ECE1: variants seen among roughly 807,000 people sequenced by gnomAD.
ECE1 encodes endothelin-converting enzyme 1.
ECE1 carries 35 observed loss-of-function variants against 98.6 expected under a neutral mutation model. The ratio of observed to expected loss-of-function variants is 0.35; its 90% CI spans 0.27 to 0.47. The LOEUF is 0.47. ECE1 is among the 20% of genes least tolerant of loss of function. The pLI, the probability that ECE1 is intolerant of heterozygous loss-of-function variation, is 1.00. For synonymous variants in ECE1, 394 were observed against 407.1 expected (o/e 0.97, Z 0.39); for missense variants, 814 against 1,025.3 (o/e 0.79, Z 2.81).
chr1:21,224,114 G>A (rs2098170820), intron 17 of ECE1, among the ~76,000 whole-genome samples: 1 of 152,070 alleles, frequency 6.6e-6, no homozygotes. Flanking sequence ...CGTGGCCTCT[G>A]CACTTGCTCT....
intron 4 of ECE1, among the ~76,000 whole-genome samples, chr1:21,261,872 C>T (rs1223492142): frequency 2.0e-5 from 3 of 152,062 alleles, no homozygotes; most frequent in East Asian, 1.9e-4. Flanking sequence ...CTGGGTTGCG[C>T]GGAGCAGGAC....
intron 10 of ECE1, among the ~76,000 whole-genome samples, chr1:21,244,679 C>T (rs552788843): frequency 3.3e-5 from 5 of 152,166 alleles, no homozygotes; most frequent in South Asian, 4.1e-4. Context: ...TTTACGTTTC[C>T]GGGGAAGAAG....
intron 14 of ECE1, among the ~76,000 whole-genome samples, chr1:21,230,572 G>C (rs752260718): frequency 6.6e-6 from 1 of 152,102 alleles, no homozygotes; most frequent in Non-Finnish European, 1.5e-5. Context: ...ATTTTTAGTA[G>C]AGATGGGGTT....
At chr1:21,332,243 A>C (rs1245111530) in intron 1 of ECE1, among the ~76,000 whole-genome samples, 8 of 152,044 alleles carry the variant, frequency 5.3e-5, no homozygotes, top group Admixed American at 4.6e-4. Context: ...ACAAACCCCT[A>C]GAGAGCCTGC....
At chr1:21,335,198 C>T (rs61781599) in intron 1 of ECE1, among the ~76,000 whole-genome samples, 8,994 of 152,138 alleles carry the variant, frequency 0.059, 374 homozygotes, top group Middle Eastern at 0.14. Flanking sequence ...CGGCTGCCCC[C>T]TCCTCAACCT....
intron 8 of ECE1, 58 bp downstream of exon 8, chr1:21,255,889 G>A: frequency 1.9e-6 from 3 of 1,568,772 alleles, no homozygotes; most frequent in Non-Finnish European, 2.6e-6. Flanking sequence ...CCAGTCCAGG[G>A]CCCTGTCTGA....
upstream of ECE1, chr1:21,293,220 A>C (rs1298857136): frequency 6.6e-6 from 1 of 152,176 alleles, no homozygotes; most frequent in Admixed American, 6.5e-5. Context: ...GGTGTGGTTA[A>C]GCGATGGCTC....
In ECE1 at chr1:21,258,677, G is replaced by T. The variant is rs1441262067; in HGVS notation, c.762+16C>A. 9.9e-6 allele frequency: 16 copies of T among 1,614,038 alleles called. No homozygotes were observed. The highest frequency in any genetic ancestry group is 1.4e-5 in the Non-Finnish European group (16 of 1,180,026). On this transcript the variant is annotated intron_variant, in intron 6 of 18. Transcript: ENST00000374893. The surrounding 1 kb of genome is among the most constrained non-coding windows in gnomAD (Gnocchi z 4.2). ...GTGCCCGCCCCCTCGACCGCTGCAG[G>T]TTCAAGCTAGCTCACCTGGATCACG...
chr1:21,227,088 C>T (rs1476544573), intron 16 of ECE1, 71 bp downstream of exon 16: 40 of 1,524,832 alleles, frequency 2.6e-5, no homozygotes, highest in Non-Finnish European at 3.6e-5. Context: ...AAACTCCTGC[C>T]CTCAAGCAAT....
chr1:21,275,405 G>A (rs2098245363), intron 3 of ECE1, among the ~76,000 whole-genome samples: 1 of 152,158 alleles, frequency 6.6e-6, no homozygotes, highest in Non-Finnish European at 1.5e-5. Context: ...GACCAGCCTG[G>A]CCAACATGGT....
intron 8 of ECE1, 58 bp from the exon 9 acceptor site, chr1:21,247,421 C>T (rs1227282459): frequency 1.2e-6 from 2 of 1,613,060 alleles, no homozygotes; most frequent in Non-Finnish European, 1.7e-6. Context: ...CAGCCCAGGG[C>T]TCTAGGACGG....
At chr1:21,301,495 AAAACAAACAAACAAAC>A (rs139949223) in intron 1 of ECE1, among the ~76,000 whole-genome samples, 1 of 150,742 alleles carries the variant, frequency 6.6e-6, no homozygotes, top group Admixed American at 6.6e-5. Flanking sequence ...TCCGTCTCAA[AAAACAAACAAACAAAC>A]AAACAAACAA....
At chr1:21,241,688 G>A (rs1482276470) in intron 10 of ECE1, among the ~76,000 whole-genome samples, 1 of 152,124 alleles carries the variant, frequency 6.6e-6, no homozygotes, top group Non-Finnish European at 1.5e-5. Context: ...CCTCCCAAAA[G>A]TGCTGGGATT....
intron 2 of ECE1, among the ~76,000 whole-genome samples, chr1:21,289,585 A>G (rs2098264219): frequency 6.6e-6 from 1 of 152,144 alleles, no homozygotes; most frequent in Admixed American, 6.5e-5. Context: ...GGGCAAGAGG[A>G]AGAGGGTGGT....
At chr1:21,279,858 G>A in intron 2 of ECE1, 1 of 367,378 alleles carries the variant, frequency 2.7e-6, no homozygotes, top group Non-Finnish European at 3.9e-6. Flanking sequence ...TACAAGTGAG[G>A]AAACTGAGGT....
At chr1:21,302,655 T>C (rs1638510899) in intron 1 of ECE1, among the ~76,000 whole-genome samples, 1 of 152,120 alleles carries the variant, frequency 6.6e-6, no homozygotes, top group Non-Finnish European at 1.5e-5. Flanking sequence ...CCCTGAGGAA[T>C]GCACAGAACG....
At chr1:21,257,737 G>C (rs2098221658) in intron 6 of ECE1, 147 bp from the exon 7 acceptor site, 2 of 851,414 alleles carry the variant, frequency 2.3e-6, no homozygotes, top group Non-Finnish European at 3.9e-6. Flanking sequence ...TACAGTCACT[G>C]AGAAGCCCAC....
chr1:21,265,198 T>C (rs577359705), intron 4 of ECE1, among the ~76,000 whole-genome samples: 2 of 152,174 alleles, frequency 1.3e-5, no homozygotes, highest in Admixed American at 6.5e-5. Flanking sequence ...AATAAAGGAA[T>C]GAATGACAGA....
At chr1:21,344,650 C>T (rs1033854015) in intron 1 of ECE1, among the ~76,000 whole-genome samples, 1 of 152,162 alleles carries the variant, frequency 6.6e-6, no homozygotes, top group Non-Finnish European at 1.5e-5. Context: ...AACGCCCCTC[C>T]CCAGTTCCCT....
Sources: gnomAD v4.1 joint callset for allele counts (sites outside exome capture counted in the v4.1 genomes callset) on GRCh38, gnomAD v4.1.1 for gene constraint, Gnocchi (gnomAD v3.1) non-coding constraint, MANE v1.5 for transcripts, NCBI Gene and HGNC (gene_info 2026-07-23, HGNC 2026-07-21) for gene names.